Variants in VDAC1 observed in about 807,000 individuals in gnomAD.
VDAC1 encodes non-selective voltage-gated ion channel VDAC1.
Under a neutral mutation model 34.7 loss-of-function variants are expected in VDAC1, and 10 were observed. The ratio of observed to expected loss-of-function variants is 0.29; its 90% CI spans 0.18 to 0.49. The LOEUF is 0.49. VDAC1 is among the 20% of genes least tolerant of loss of function. The pLI is 0.99. For missense variants in VDAC1, 230 were observed against 347.9 expected (o/e 0.66, Z 2.69); for synonymous variants, 130 against 136.0 (o/e 0.96, Z 0.30).
At chr5:134,006,467 G>T (rs1283495740), upstream of VDAC1, among the ~76,000 whole-genome samples, 3 of 152,190 alleles carry the variant, frequency 2.0e-5, no homozygotes, top group African/African-American at 7.2e-5. Context: ...TCTGGGCCGG[G>T]TGCAGTGGCT....
chr5:134,098,059 C>G, the VDAC1 span, among the ~76,000 whole-genome samples: 7 of 151,518 alleles, frequency 4.6e-5, no homozygotes, highest in Non-Finnish European at 1.0e-4. Context: ...TAGTAGAGAA[C>G]GGGGTTTGAC....
chr5:133,979,324 G>A (rs13175847), intron 6 of VDAC1, among the ~76,000 whole-genome samples: 34,321 of 150,684 alleles, frequency 0.23, 4,504 homozygotes, highest in Non-Finnish European at 0.29. Flanking sequence ...AGAATTCTAC[G>A]TTCAAAAACA....
At chr5:134,055,594 T>TTTTGTTTTTGTTTTG in the VDAC1 span, among the ~76,000 whole-genome samples, 1 of 32,330 alleles carries the variant, frequency 3.1e-5, no homozygotes, top group African/African-American at 1.1e-4. Context: ...TAATGTTTTT[T>TTTTGTTTTTGTTTTG]TTTTTTTTTT....
chr5:134,105,215 T>C, the VDAC1 span, among the ~76,000 whole-genome samples: 3 of 152,078 alleles, frequency 2.0e-5, no homozygotes, highest in Admixed American at 6.5e-5. Context: ...ACCACCCCCA[T>C]TGATATCCCA....
At chr5:134,109,281 C>A in the VDAC1 span, among the ~76,000 whole-genome samples, 2 of 152,188 alleles carry the variant, frequency 1.3e-5, no homozygotes, top group African/African-American at 2.4e-5. Flanking sequence ...ATAAGACATT[C>A]CTCTCTCAGT....
At chr5:134,053,327 GA>G in the VDAC1 span, among the ~76,000 whole-genome samples, 9 of 152,318 alleles carry the variant, frequency 5.9e-5, no homozygotes, top group East Asian at 1.7e-3. Context: ...AGTTCCTTCT[GA>G]AAAGCCCTCC....
the VDAC1 span, among the ~76,000 whole-genome samples, chr5:134,092,921 G>T: frequency 6.6e-6 from 1 of 152,212 alleles, no homozygotes; most frequent in Non-Finnish European, 1.5e-5. Context: ...GGAGCTGCTA[G>T]AATTTCCTTG....
the VDAC1 span, among the ~76,000 whole-genome samples, chr5:134,064,218 T>C: frequency 0.66 from 100,142 of 151,766 alleles, 33,374 homozygotes; most frequent in East Asian, 0.79. Flanking sequence ...TTTGGGCAAG[T>C]GATTCTCCTG....
At chr5:134,107,872 C>T in the VDAC1 span, among the ~76,000 whole-genome samples, 2 of 152,306 alleles carry the variant, frequency 1.3e-5, no homozygotes, top group East Asian at 3.9e-4. Context: ...AAAAAGAAGG[C>T]TCCAGGAAGG....
At chr5:134,087,186 G>A in the VDAC1 span, among the ~76,000 whole-genome samples, 5 of 152,140 alleles carry the variant, frequency 3.3e-5, no homozygotes, top group East Asian at 5.8e-4. Context: ...TGTGGGTGCC[G>A]TTTCATGCTG....
the VDAC1 span, among the ~76,000 whole-genome samples, chr5:134,078,772 T>A: frequency 6.7e-6 from 1 of 148,450 alleles, no homozygotes; most frequent in Non-Finnish European, 1.5e-5. Flanking sequence ...TGCCTCAGCC[T>A]CCCAAGTAGC....
intron 5 of VDAC1, among the ~76,000 whole-genome samples, chr5:133,984,198 T>C (rs1191684414): frequency 6.6e-6 from 1 of 151,988 alleles, no homozygotes; most frequent in Non-Finnish European, 1.5e-5. Flanking sequence ...TAGAACTGAC[T>C]ATAGGTGCGC....
At chr5:133,980,663 G>T in intron 6 of VDAC1, 66 bp downstream of exon 6, 6 of 735,124 alleles carry the variant, frequency 8.2e-6, no homozygotes, top group Non-Finnish European at 1.2e-5. Flanking sequence ...ACAGTGAAAA[G>T]CAATCCCCTT....
chr5:134,007,523 C>A (rs1443114762), upstream of VDAC1, among the ~76,000 whole-genome samples: 1 of 152,148 alleles, frequency 6.6e-6, no homozygotes, highest in Non-Finnish European at 1.5e-5. Context: ...CCCACCACAA[C>A]CCTGAGGGAG....
At chr5:134,025,251 C>T in the VDAC1 span, among the ~76,000 whole-genome samples, 1 of 152,052 alleles carries the variant, frequency 6.6e-6, no homozygotes, top group Admixed American at 6.6e-5. Context: ...CGTCACATGG[C>T]GAAAGAGGGA....
chr5:134,001,734 A>AG lies in VDAC1; in HGVS notation c.-7+3160_-7+3161insC, dbSNP rs1456256782. Among the ~76,000 whole-genome samples, 983 of 148,840 alleles carry AG rather than the reference A, an allele frequency of 6.6e-3. 4 individuals are homozygous for AG. The highest frequency in any genetic ancestry group is 0.01 in the Non-Finnish European group (706 of 67,278). ...TCCATCTAAAAAAAAAAAAAAAAAAAAGAGAGAGAGAAACTGAGGCACAAG... is the reference window on the plus strand; with the variant it reads ...TCCATCTAAAAAAAAAAAAAAAAAAAGAGAGAGAGAGAAACTGAGGCACAAG... On this transcript the variant is annotated intron_variant, in intron 1 of 8. Coordinates refer to ENST00000265333, the MANE Select transcript of VDAC1 (RefSeq NM_003374.3).
the VDAC1 span, among the ~76,000 whole-genome samples, chr5:134,052,497 T>C: frequency 2.0e-5 from 3 of 152,204 alleles, no homozygotes; most frequent in South Asian, 2.1e-4. Flanking sequence ...GGTCTCTCCA[T>C]GTTGTCCAGG....
intron 1 of VDAC1, among the ~76,000 whole-genome samples, chr5:134,004,322 G>A (rs1753676361): frequency 6.6e-6 from 1 of 151,904 alleles, no homozygotes; most frequent in Admixed American, 6.6e-5. Context: ...TCACCTAGAC[G>A]CGCGGCCCGC....
chr5:133,990,574 T>C (rs906726019), intron 5 of VDAC1, among the ~76,000 whole-genome samples: 2 of 152,142 alleles, frequency 1.3e-5, no homozygotes, highest in African/African-American at 4.8e-5. Context: ...CACCCTTAGA[T>C]CTCCAGATGG....
Sources: gnomAD v4.1 joint callset for allele counts (sites outside exome capture counted in the v4.1 genomes callset) on GRCh38, gnomAD v4.1.1 for gene constraint, MANE v1.5 for transcripts, NCBI Gene and HGNC (gene_info 2026-07-23, HGNC 2026-07-21) for gene names.